NFX1: variants seen among roughly 807,000 people sequenced by gnomAD.
NFX1 encodes the protein nuclear transcription factor, X-box binding 1.
In NFX1, 69 loss-of-function variants were observed where a neutral mutation model predicts 137.2. That is an observed-to-expected ratio of 0.50 (90% CI 0.41 to 0.61). The LOEUF (loss-of-function observed/expected upper bound fraction) is 0.61, where lower values mean the gene tolerates loss of function less well. Among genes scored for constraint, NFX1 ranks in the 20% least tolerant of loss-of-function variants. The pLI, the probability that NFX1 is intolerant of heterozygous loss-of-function variation, is 0.00. For missense variants in NFX1, 1,167 were observed against 1,391.0 expected (o/e 0.84, Z 2.56); for synonymous variants, 495 against 474.1 (o/e 1.04, Z -0.57).
intron 3 of NFX1, among the ~76,000 whole-genome samples, chr9:33,302,027 G>A (rs1489221900): frequency 6.6e-6 from 1 of 152,170 alleles, no homozygotes; most frequent in Non-Finnish European, 1.5e-5. Flanking sequence ...ATCTGAGATT[G>A]CACCACTGCC....
Position 33,352,665 on chromosome 9 carries a change from G to C in NFX1, c.2675G>C (p.Cys892Ser). Residue 892 changes from cysteine to serine, a missense_variant, in exon 17 of 24, where the codon TGT becomes TCT. Physicochemically the swap from Cys to Ser is moderately radical, Grantham distance 112. Transcript: ENST00000379540. ...CKAKVELQCE[C>S]GRRKEMVICS... ...CTTCAGGTAGAGCTACAGTGTGAAT[G>C]TGGACGAAGAAAAGAGATGGTGATT... 1 of 1,614,196 alleles carries C rather than the reference G, an allele frequency of 6.2e-7. No homozygotes were observed. The highest frequency in any genetic ancestry group is 8.5e-7 in the Non-Finnish European group (1 of 1,180,012).
intron 9 of NFX1, among the ~76,000 whole-genome samples, chr9:33,327,522 G>T (rs1268003741): frequency 6.6e-6 from 1 of 151,974 alleles, no homozygotes; most frequent in East Asian, 1.9e-4. Flanking sequence ...GCGCCACCAC[G>T]CCTGGCTAAT....
chr9:33,329,971 T>C (rs1465621764), intron 10 of NFX1, among the ~76,000 whole-genome samples: 1 of 152,156 alleles, frequency 6.6e-6, no homozygotes, highest in Non-Finnish European at 1.5e-5. Context: ...TTTTTGTATT[T>C]TTAGTAGAGG....
At chr9:33,349,779 G>A (rs970860716) in intron 15 of NFX1, among the ~76,000 whole-genome samples, 3 of 152,114 alleles carry the variant, frequency 2.0e-5, no homozygotes, top group African/African-American at 4.8e-5. Context: ...GACATGAGGA[G>A]AGTTAAGTAT....
intron 19 of NFX1, among the ~76,000 whole-genome samples, chr9:33,357,027 CTCACCATGGCCGTAATGGTGGT>C (rs1401286057): frequency 1.3e-5 from 2 of 151,070 alleles, no homozygotes; most frequent in African/African-American, 4.9e-5. Flanking sequence ...GGCATGGTGG[CTCACCATGGCCGTAATGGTGGT>C]GCCTATAATC....
chr9:33,307,805 T>A (rs1235494608), intron 5 of NFX1, among the ~76,000 whole-genome samples: 1 of 146,766 alleles, frequency 6.8e-6, no homozygotes, highest in Non-Finnish European at 1.5e-5. Flanking sequence ...TTTTTTTTTT[T>A]TTTTTTTTTT....
chr9:33,298,525 C>T (rs1235526676), intron 2 of NFX1, among the ~76,000 whole-genome samples: 1 of 152,196 alleles, frequency 6.6e-6, no homozygotes, highest in Non-Finnish European at 1.5e-5. Flanking sequence ...CATCTGTAAT[C>T]CCAGCACTTT....
At chr9:33,327,399 C>G (rs905609434) in intron 9 of NFX1, among the ~76,000 whole-genome samples, 1 of 152,142 alleles carries the variant, frequency 6.6e-6, no homozygotes, top group Non-Finnish European at 1.5e-5. Flanking sequence ...GAGTCTTGCT[C>G]TGTTGCCCAG....
At chr9:33,291,627 G>A (rs1217218074) in intron 1 of NFX1, among the ~76,000 whole-genome samples, 1 of 152,220 alleles carries the variant, frequency 6.6e-6, no homozygotes, top group East Asian at 1.9e-4. Context: ...GTTAGGGCCG[G>A]GCGTGGTGGC....
At chr9:33,355,973 TATTTCTGTAC>T (rs1823797387) in intron 19 of NFX1, among the ~76,000 whole-genome samples, 1 of 152,192 alleles carries the variant, frequency 6.6e-6, no homozygotes, top group African/African-American at 2.4e-5. Flanking sequence ...GCTTGCTCTA[TATTTCTGTAC>T]ATTTCTGTTG....
At chr9:33,314,005 G>A (rs1001438437) in intron 7 of NFX1, among the ~76,000 whole-genome samples, 1 of 151,428 alleles carries the variant, frequency 6.6e-6, no homozygotes, top group Non-Finnish European at 1.5e-5. Flanking sequence ...TTCTTTTTGA[G>A]ATAAGTCTCA....
At chr9:33,321,982 C>G (rs980512356) in intron 9 of NFX1, among the ~76,000 whole-genome samples, 1 of 151,896 alleles carries the variant, frequency 6.6e-6, no homozygotes, top group African/African-American at 2.4e-5. Flanking sequence ...GGGCAGATCA[C>G]TTGAGGTCAG....
At chr9:33,298,720 G>T (rs764930143) in intron 2 of NFX1, among the ~76,000 whole-genome samples, 8 of 152,190 alleles carry the variant, frequency 5.3e-5, no homozygotes, top group African/African-American at 1.7e-4. Flanking sequence ...GTGGGTCAAG[G>T]CTGCAGTAAG....
intron 11 of NFX1, among the ~76,000 whole-genome samples, chr9:33,338,217 T>C: frequency 6.6e-6 from 1 of 151,846 alleles, no homozygotes; most frequent in South Asian, 2.1e-4. Flanking sequence ...TAGCTGGGTG[T>C]GGTGGCAGGC....
intron 10 of NFX1, among the ~76,000 whole-genome samples, chr9:33,331,746 A>G (rs1159909369): frequency 6.9e-6 from 1 of 143,896 alleles, no homozygotes; most frequent in East Asian, 2.0e-4. Flanking sequence ...TTTTAAAGTC[A>G]TTTTTCTCAT....
rs920694889 is a variant in NFX1 at position 33,370,701 on chromosome 9, TCC to T, written c.*727_*728del. 6.6e-6 allele frequency: 1 copy of T among 152,168 alleles called. No individual in the cohort carries two copies. The highest frequency in any genetic ancestry group is 2.4e-5 in the African/African-American group (1 of 41,416). 9.4% of individuals were successfully genotyped at this position (152,168 alleles called of 1,614,324 possible). ...TGTTCAGTAACAATCAGTTTGGCCG[TCC>T]CCCATGATGGTAGGAAATATAGAGA... On this transcript the variant is annotated 3_prime_UTR_variant, in exon 24 of 24. Coordinates refer to ENST00000379540, the MANE Select transcript of NFX1 (RefSeq NM_002504.6).
intron 22 of NFX1, 147 bp downstream of exon 22, chr9:33,366,921 A>G (rs1824187075): frequency 1.8e-6 from 2 of 1,116,978 alleles, no homozygotes; most frequent in South Asian, 1.6e-5. Flanking sequence ...CACTTCCCAG[A>G]TAATCTAAAG....
At chr9:33,301,533 A>G in intron 3 of NFX1, 112 bp downstream of exon 3, 1 of 1,173,790 alleles carries the variant, frequency 8.5e-7, no homozygotes. Context: ...CTTTTTCTGC[A>G]GGGAGAGTAT....
chr9:33,295,129 G>A lies in NFX1; in HGVS notation c.735G>A (p.Arg245=). Residue 245 remains arginine, a synonymous_variant, in exon 2 of 24, where the codon AGG becomes AGA. Transcript: ENST00000379540. ...AGCAGAGAAGATACCCACAGAAAAG[G>A]CCTCCCTGGGAAGTGGAGGGGGCCA... ...RNEQRRYPQK[R]PPWEVEGARP... The A allele has an allele frequency of 1.2e-6, 2 of 1,614,046 alleles. No homozygotes were observed. The highest frequency in any genetic ancestry group is 1.7e-6 in the Non-Finnish European group (2 of 1,180,004).
Sources: allele counts gnomAD v4.1 joint callset (sites outside exome capture counted in the v4.1 genomes callset), GRCh38; gene constraint gnomAD v4.1.1; transcripts MANE v1.5; gene names NCBI Gene and HGNC (gene_info 2026-07-23, HGNC 2026-07-21).